Variants in KIF27 observed in about 807,000 individuals in gnomAD.
KIF27 encodes the protein kinesin-like protein KIF27.
In KIF27, 84 loss-of-function variants were observed where a neutral mutation model predicts 141.8. The ratio of observed to expected loss-of-function variants is 0.59; its 90% CI spans 0.50 to 0.71. The LOEUF (loss-of-function observed/expected upper bound fraction) is 0.71. Among genes scored for constraint, KIF27 ranks in the 30% least tolerant of loss-of-function variants. The pLI is 0.00. For missense variants in KIF27, 1,306 were observed against 1,628.4 expected, an observed-to-expected ratio of 0.80 and a Z score of 3.41; for synonymous variants, 471 against 569.5, an observed-to-expected ratio of 0.83 and a Z score of 2.46.
Position 83,874,191 on chromosome 9 carries a change from T to C in KIF27, c.2644-3559A>G, listed in dbSNP as rs192359555. ...CAGGCACTGTGCTAGACTTTTTATATCTATTTAATTATCCCATTTAGCCCT... is the reference window on the plus strand; with the variant it reads ...CAGGCACTGTGCTAGACTTTTTATACCTATTTAATTATCCCATTTAGCCCT... On this transcript the variant is annotated intron_variant, in intron 11 of 17. Transcript: ENST00000297814. Among the ~76,000 whole-genome samples, 35 of 152,346 alleles carry C rather than the reference T, an allele frequency of 2.3e-4. No individual in the cohort carries two copies. The East Asian group carries it at 5.0e-3, about 22-fold the overall frequency.
Position 83,850,157 on chromosome 9 carries a change from C to T in KIF27, c.3498G>A (p.Leu1166=), listed in dbSNP as rs1587962248. The T allele has an allele frequency of 1.2e-6, 2 of 1,613,918 alleles. No homozygotes were observed. The highest frequency in any genetic ancestry group is 1.7e-6 in the Non-Finnish European group (2 of 1,179,822). ...GTTCGTGTTCCTTTTGCTGGAGGGT[C>T]AGTCTCCGGTCACACTGCAATTTTA... is the stretch of plus-strand genomic sequence containing the variant. ...DHLKLQCDRR[L]TLQQKEHEQK... The change falls in exon 16 of 18, where the codon CTG becomes CTA. Residue 1166 remains leucine, a synonymous_variant. Transcript: ENST00000297814.
At chr9:83,841,953 T>C (rs533455407) in intron 17 of KIF27, among the ~76,000 whole-genome samples, 112 of 152,324 alleles carry the variant, frequency 7.4e-4, no homozygotes, top group African/African-American at 2.6e-3. Context: ...ACAACAGCTA[T>C]GTTAGATAAT....
Position 83,903,226 on chromosome 9 carries a change from A to C in KIF27, c.1292T>G (p.Leu431Arg). The C allele has an allele frequency of 6.2e-7, 1 of 1,614,148 alleles. No homozygotes were observed. Among genetic ancestry groups the C allele is most frequent in the Non-Finnish European group, 8.5e-7 (1 of 1,180,022 alleles). ...FLVDLKDTVR[L>R]NEKQQHKLQE... is the part of the protein sequence containing the mutation. Reference sequence around the variant, plus strand: ...CAGTTTGTGTTGCTGCTTTTCGTTTAGTCTGACAGTATCTTTTAGGTCAAC... The same window carrying C: ...CAGTTTGTGTTGCTGCTTTTCGTTTCGTCTGACAGTATCTTTTAGGTCAAC... Residue 431 changes from leucine to arginine, a missense_variant, in exon 4 of 18, where the codon CTA (leucine) becomes CGA (arginine). Leu to Arg is a moderately radical substitution (Grantham distance 102). Transcript: ENST00000297814.
At chr9:83,878,345 C>T (rs1272520108) in intron 11 of KIF27, among the ~76,000 whole-genome samples, 1 of 151,898 alleles carries the variant, frequency 6.6e-6, no homozygotes, top group Non-Finnish European at 1.5e-5. Flanking sequence ...AGTGGTTTCT[C>T]AGAAAGCTAA....
At chr9:83,839,295 G>GA (rs1242888916) in intron 17 of KIF27, among the ~76,000 whole-genome samples, 3 of 152,200 alleles carry the variant, frequency 2.0e-5, no homozygotes, top group Non-Finnish European at 4.4e-5. Context: ...TTCTTCACAA[G>GA]AAAGTTTCCC....
intron 10 of KIF27, among the ~76,000 whole-genome samples, chr9:83,880,719 C>CT (rs369548152): frequency 2.6e-5 from 4 of 152,174 alleles, no homozygotes; most frequent in African/African-American, 9.7e-5. Context: ...AATCATGAGA[C>CT]TTCCTGATGT....
intron 17 of KIF27, 196 bp from the exon 18 acceptor site, chr9:83,837,681 A>G: frequency 2.1e-6 from 1 of 482,766 alleles, no homozygotes; most frequent in Non-Finnish European, 3.6e-6. Context: ...GGCATCTTGC[A>G]TGTGAATAAC....
chr9:83,889,081 T>C lies in KIF27; in HGVS notation c.1979+3A>G, dbSNP rs1209365534. 1 of 1,610,302 alleles carries C rather than the reference T, an allele frequency of 6.2e-7. No individual in the cohort carries two copies. The highest frequency in any genetic ancestry group is 1.7e-4 in the Middle Eastern group (1 of 6,046). Reference sequence around the variant, plus strand: ...TTATTAAATCAGTGTATATTTAACATACCTAGTTCCAGATTTCTCTTGGCC... The same window carrying C: ...TTATTAAATCAGTGTATATTTAACACACCTAGTTCCAGATTTCTCTTGGCC... On this transcript the variant is annotated splice_donor_region_variant and intron_variant, in intron 7 of 17. Coordinates refer to ENST00000297814, the MANE Select transcript of KIF27 (RefSeq NM_017576.4).
At chr9:83,854,198 A>G (rs1481866312) in intron 14 of KIF27, among the ~76,000 whole-genome samples, 1 of 152,248 alleles carries the variant, frequency 6.6e-6, no homozygotes, top group African/African-American at 2.4e-5. Context: ...CTAAGCCCAC[A>G]GGATTAGCAG....
In KIF27 at chr9:83,835,211, T is replaced by C. The variant is rs1371273388; in HGVS notation, c.*1790A>G. On this transcript the variant is annotated 3_prime_UTR_variant, in exon 18 of 18. Transcript: ENST00000297814. ...AAATATATATAATAATGGCAAAAGG[T>C]CAGTGCATTTATACATATTTATAAT... Among the ~76,000 whole-genome samples, 1 of 150,318 alleles carries C rather than the reference T, an allele frequency of 6.7e-6. No homozygotes were observed. Among genetic ancestry groups the C allele is most frequent in the Non-Finnish European group, 1.5e-5 (1 of 67,592 alleles).
intron 5 of KIF27, among the ~76,000 whole-genome samples, chr9:83,896,070 A>C (rs1185936367): frequency 8.7e-5 from 13 of 148,716 alleles, no homozygotes; most frequent in Admixed American, 2.7e-4. Context: ...AAAAAAAAAA[A>C]AAAAACAAAA....
At chr9:83,871,104 T>G (rs1950754239) in intron 11 of KIF27, among the ~76,000 whole-genome samples, 1 of 151,892 alleles carries the variant, frequency 6.6e-6, no homozygotes. Flanking sequence ...TTTGTAGAGA[T>G]GGGGTCTTGT....
intron 16 of KIF27, among the ~76,000 whole-genome samples, chr9:83,845,221 G>A (rs898154011): frequency 2.0e-5 from 3 of 152,192 alleles, no homozygotes; most frequent in African/African-American, 7.2e-5. Flanking sequence ...TTAAGAGACA[G>A]CTCTTGGCCT....
intron 16 of KIF27, among the ~76,000 whole-genome samples, chr9:83,844,640 G>A (rs2131541871): frequency 6.6e-6 from 1 of 152,272 alleles, no homozygotes; most frequent in East Asian, 1.9e-4. Flanking sequence ...GCTCATGAGA[G>A]GCAAGGAGTT....
chr9:83,891,700 G>A (rs1952700015), intron 5 of KIF27, among the ~76,000 whole-genome samples, 199 bp from the exon 6 acceptor site: 1 of 152,032 alleles, frequency 6.6e-6, no homozygotes, highest in Admixed American at 6.6e-5. Context: ...TAATAGTAAG[G>A]AGCAACAAAC....
intron 5 of KIF27, among the ~76,000 whole-genome samples, chr9:83,898,364 C>T (rs901527334): frequency 6.6e-6 from 1 of 152,028 alleles, no homozygotes; most frequent in African/African-American, 2.4e-5. Flanking sequence ...ACTGAATAAG[C>T]TATACTGAAT....
At chr9:83,907,513 T>C (rs1334270311) in intron 3 of KIF27, among the ~76,000 whole-genome samples, 2 of 152,078 alleles carry the variant, frequency 1.3e-5, no homozygotes, top group East Asian at 1.9e-4. Context: ...TAAATTGTTA[T>C]TCTTTAAAAT....
intron 13 of KIF27, among the ~76,000 whole-genome samples, chr9:83,860,299 G>C (rs1949746026): frequency 6.6e-6 from 1 of 152,094 alleles, no homozygotes; most frequent in South Asian, 2.1e-4. Flanking sequence ...CCTACTCCAA[G>C]ACGGCCACCT....
chr9:83,852,822 T>G (rs1388538894), intron 15 of KIF27, among the ~76,000 whole-genome samples: 2 of 152,100 alleles, frequency 1.3e-5, no homozygotes, highest in African/African-American at 4.8e-5. Context: ...AGAGAAAGGA[T>G]CTCAAATTCT....
Sources: gnomAD v4.1 joint callset for allele counts (sites outside exome capture counted in the v4.1 genomes callset) on GRCh38, gnomAD v4.1.1 for gene constraint, MANE v1.5 for transcripts, NCBI Gene and HGNC (gene_info 2026-07-23, HGNC 2026-07-21) for gene names.